Variants in SRPK1 observed in about 807,000 individuals in gnomAD.
SRPK1 encodes SFRS protein kinase 1.
SRPK1 carries 52 observed loss-of-function variants against 89.5 expected under a neutral mutation model. The observed-to-expected ratio is 0.58, with a 90% CI of 0.46 to 0.73. SRPK1 has a LOEUF of 0.73. Ranked by LOEUF, SRPK1 falls within the 30% of genes least tolerant of loss-of-function variation. The probability of loss-of-function intolerance (pLI) is 0.00; values close to 1 mark genes in which losing one functional copy is unlikely to be tolerated. For synonymous variants in SRPK1, 255 were observed against 270.2 expected (o/e 0.94, Z 0.55); for missense variants, 603 against 780.6 (o/e 0.77, Z 2.71).
chr6:35,891,940 T>C (rs565265240), intron 2 of SRPK1, among the ~76,000 whole-genome samples: 1 of 152,260 alleles, frequency 6.6e-6, no homozygotes, highest in South Asian at 2.1e-4. Flanking sequence ...TTTATAAAAA[T>C]AACATGTTAA....
intron 13 of SRPK1, among the ~76,000 whole-genome samples, chr6:35,848,618 A>G (rs1398984512): frequency 6.6e-6 from 1 of 152,224 alleles, no homozygotes; most frequent in Non-Finnish European, 1.5e-5. Context: ...ACAAAGCTAC[A>G]GTAATTAAAA....
At chr6:35,873,536 C>A (rs1207210012) in intron 7 of SRPK1, among the ~76,000 whole-genome samples, 1 of 151,602 alleles carries the variant, frequency 6.6e-6, no homozygotes, top group Non-Finnish European at 1.5e-5. Context: ...GTCGCCCAGG[C>A]TGGAGCGCGG....
At chr6:35,854,719 A>G (rs1057506634) in intron 13 of SRPK1, among the ~76,000 whole-genome samples, 1 of 149,448 alleles carries the variant, frequency 6.7e-6, no homozygotes, top group Non-Finnish European at 1.5e-5. Flanking sequence ...GTGGAATAAA[A>G]AAAAAATGTC....
At chr6:35,886,140 G>C (rs1296396784) in intron 6 of SRPK1, among the ~76,000 whole-genome samples, 3 of 149,730 alleles carry the variant, frequency 2.0e-5, no homozygotes, top group Non-Finnish European at 4.4e-5. Context: ...AGTGCAGTGG[G>C]CTCAATCTCG....
At chr6:35,885,290 C>G (rs1561985850) in intron 6 of SRPK1, among the ~76,000 whole-genome samples, 2 of 135,472 alleles carry the variant, frequency 1.5e-5, no homozygotes, top group African/African-American at 5.5e-5. Flanking sequence ...CACACACACA[C>G]ACACACACAG....
chr6:35,898,706 T>C (rs762234752), intron 2 of SRPK1, among the ~76,000 whole-genome samples: 6 of 152,178 alleles, frequency 3.9e-5, no homozygotes, highest in Non-Finnish European at 8.8e-5. Context: ...CACTCCAGCC[T>C]GGGCAACAGA....
Position 35,888,801 on chromosome 6 carries a change from C to A in SRPK1, c.302+14G>T, listed in dbSNP as rs1322242840. On this transcript the variant is annotated intron_variant, in intron 4 of 15. Coordinates refer to ENST00000373825, the MANE Select transcript of SRPK1 (RefSeq NM_003137.5). ...TCATCTAACTAATTCTTTTACAGAA[C>A]CACTAAAACTTACTGAATATCCCAT... 7.2e-6 allele frequency: 11 copies of A among 1,526,516 alleles called. No homozygotes were observed. Among genetic ancestry groups the A allele is most frequent in the Admixed American group, 5.0e-5 (3 of 59,664 alleles). The allele number at this position is 1,526,516 out of a possible 1,614,324, so 94.6% of individuals were successfully genotyped here. A position where few individuals can be genotyped will look rare whatever the true frequency, so the allele number is the denominator to read the frequency against.
chr6:35,873,064 A>T (rs1394765396), intron 7 of SRPK1, among the ~76,000 whole-genome samples: 1 of 152,204 alleles, frequency 6.6e-6, no homozygotes, highest in Non-Finnish European at 1.5e-5. Flanking sequence ...ACAGACATTT[A>T]GATATCTTTA....
chr6:35,886,238 G>A (rs1770407100), intron 6 of SRPK1, among the ~76,000 whole-genome samples: 1 of 151,914 alleles, frequency 6.6e-6, no homozygotes, highest in Non-Finnish European at 1.5e-5. Context: ...CTGCCACCAT[G>A]CCCAGCTAAT....
intron 6 of SRPK1, among the ~76,000 whole-genome samples, chr6:35,880,668 G>A (rs1423781451): frequency 5.0e-5 from 7 of 140,582 alleles, no homozygotes; most frequent in Admixed American, 1.5e-4. Flanking sequence ...TGCAGTGAGC[G>A]GAGATTGCAC....
At chr6:35,916,848 C>T (rs1212848175) in intron 2 of SRPK1, among the ~76,000 whole-genome samples, 1 of 152,084 alleles carries the variant, frequency 6.6e-6, no homozygotes, top group Non-Finnish European at 1.5e-5. Flanking sequence ...CACTCGAGGT[C>T]GAGTTTGAGA....
At chr6:35,894,121 C>A (rs575018684) in intron 2 of SRPK1, among the ~76,000 whole-genome samples, 3 of 152,288 alleles carry the variant, frequency 2.0e-5, no homozygotes, top group African/African-American at 7.2e-5. Flanking sequence ...TAAGGATCAT[C>A]GAACATTTGA....
intron 14 of SRPK1, among the ~76,000 whole-genome samples, chr6:35,841,077 A>G (rs753705793): frequency 3.9e-5 from 6 of 152,124 alleles, no homozygotes; most frequent in Admixed American, 2.6e-4. Context: ...TTACCCTCCC[A>G]AACAAACATA....
At chr6:35,919,174 T>A (rs982237714) in intron 2 of SRPK1, among the ~76,000 whole-genome samples, 42 of 152,208 alleles carry the variant, frequency 2.8e-4, no homozygotes, top group Non-Finnish European at 5.9e-5. Flanking sequence ...ATATGGATAA[T>A]CCAAAGGTAA....
At chr6:35,860,939 A>G (rs1444292088) in intron 12 of SRPK1, among the ~76,000 whole-genome samples, 2 of 152,144 alleles carry the variant, frequency 1.3e-5, no homozygotes, top group Non-Finnish European at 2.9e-5. Flanking sequence ...GAGGATTCCA[A>G]GCAGAAGGAA....
chr6:35,836,750 G>A (rs1456664681), intron 15 of SRPK1, among the ~76,000 whole-genome samples: 1 of 120,350 alleles, frequency 8.3e-6, no homozygotes, highest in South Asian at 2.8e-4. Context: ...GTGATACCCT[G>A]TCTCAATAAT....
chr6:35,860,548 T>C (rs1367102743), intron 12 of SRPK1, among the ~76,000 whole-genome samples: 1 of 152,216 alleles, frequency 6.6e-6, no homozygotes, highest in African/African-American at 2.4e-5. Context: ...GGTGTGATAC[T>C]TGTTACAGAG....
chr6:35,846,808 T>C (rs1769435707), intron 13 of SRPK1, among the ~76,000 whole-genome samples: 1 of 152,180 alleles, frequency 6.6e-6, no homozygotes, highest in Non-Finnish European at 1.5e-5. Flanking sequence ...CAGGACCTGA[T>C]GGCTTCACTG....
chr6:35,900,008 A>G lies in SRPK1; in HGVS notation c.75-8995T>C, dbSNP rs867508137. On this transcript the variant is annotated intron_variant, in intron 2 of 15. Coordinates refer to ENST00000373825, the MANE Select transcript of SRPK1 (RefSeq NM_003137.5). ...AGAGCAAGACTCCATCGCAAAAAAA[A>G]AATAATAATAATAAAAAAATAAAAA... Among the ~76,000 whole-genome samples, 5 of 151,588 alleles carry G rather than the reference A, an allele frequency of 3.3e-5. No homozygotes were observed. In the South Asian group the frequency reaches 1.0e-3, roughly 32 times the overall value.
Sources: gnomAD v4.1 joint callset for allele counts (sites outside exome capture counted in the v4.1 genomes callset) on GRCh38, gnomAD v4.1.1 for gene constraint, MANE v1.5 for transcripts, NCBI Gene and HGNC (gene_info 2026-07-23, HGNC 2026-07-21) for gene names.